Variants in GPC6 observed in about 807,000 individuals in gnomAD.
GPC6 encodes glypican 6.
A neutral mutation model predicts 55.2 loss-of-function variants in GPC6; 14 were observed. The ratio of observed to expected loss-of-function variants is 0.25; its 90% confidence interval spans 0.17 to 0.40. The LOEUF (loss-of-function observed/expected upper bound fraction) is 0.40. Ranked by LOEUF, GPC6 falls within the 10% of genes least tolerant of loss-of-function variation. The pLI, the probability that GPC6 is intolerant of heterozygous loss-of-function variation, is 1.00. For missense variants in GPC6, 641 were observed against 708.5 expected (o/e 0.90, Z 1.08); for synonymous variants, 278 against 259.6 (o/e 1.07, Z -0.68).
chr13:93,368,362 T>TTCCTTCCTTCCG (rs1881333122), intron 1 of GPC6, among the ~76,000 whole-genome samples: 1 of 115,178 alleles, frequency 8.7e-6, no homozygotes, highest in Non-Finnish European at 2.0e-5. Context: ...CCTTCCTTCC[T>TTCCTTCCTTCCG]TCCTTCCTTC....
chr13:94,058,250 A>C (rs1884198636), intron 4 of GPC6, among the ~76,000 whole-genome samples: 1 of 152,158 alleles, frequency 6.6e-6, no homozygotes, highest in Non-Finnish European at 1.5e-5. Context: ...TGGGACATAC[A>C]TATTTACGGT....
At chr13:94,144,277 A>T (rs1268981754) in intron 4 of GPC6, among the ~76,000 whole-genome samples, 1 of 151,984 alleles carries the variant, frequency 6.6e-6, no homozygotes, top group Non-Finnish European at 1.5e-5. Flanking sequence ...GTGAACAGTC[A>T]TTATCTTTTT....
At chr13:94,043,650 T>G (rs1023239284) in intron 4 of GPC6, among the ~76,000 whole-genome samples, 4 of 151,856 alleles carry the variant, frequency 2.6e-5, no homozygotes, top group Non-Finnish European at 5.9e-5. Context: ...AGCCTTCTCT[T>G]TCCTTATTTG....
intron 2 of GPC6, among the ~76,000 whole-genome samples, chr13:93,614,624 T>C (rs1212248720): frequency 6.6e-6 from 1 of 152,188 alleles, no homozygotes; most frequent in Non-Finnish European, 1.5e-5. Context: ...AGTCCCCAAA[T>C]AGTAACTAAA....
At chr13:94,380,956 C>T (rs546620569) in intron 6 of GPC6, among the ~76,000 whole-genome samples, 11 of 152,210 alleles carry the variant, frequency 7.2e-5, no homozygotes, top group Admixed American at 2.6e-4. Context: ...CCCTGAGTTT[C>T]GGTTTGTCTG....
intron 4 of GPC6, among the ~76,000 whole-genome samples, chr13:94,183,592 G>T (rs1291223203): frequency 6.6e-6 from 1 of 152,120 alleles, no homozygotes; most frequent in Non-Finnish European, 1.5e-5. Flanking sequence ...GAGTGAAATT[G>T]CTGGGTCATA....
intron 1 of GPC6, among the ~76,000 whole-genome samples, chr13:93,288,269 G>A (rs1188689416): frequency 2.6e-5 from 4 of 152,098 alleles, no homozygotes; most frequent in Admixed American, 1.3e-4. Flanking sequence ...GTGTTATCTT[G>A]TAATTTCAAG....
chr13:94,166,445 T>A (rs1163011525), intron 4 of GPC6, among the ~76,000 whole-genome samples: 1 of 152,218 alleles, frequency 6.6e-6, no homozygotes, highest in Non-Finnish European at 1.5e-5. Context: ...AACCTGAGCC[T>A]GAATTCCACT....
chr13:94,058,721 AG>A (rs1884218699), intron 4 of GPC6, among the ~76,000 whole-genome samples: 1 of 152,200 alleles, frequency 6.6e-6, no homozygotes, highest in African/African-American at 2.4e-5. Flanking sequence ...AACTGGTGAA[AG>A]CAGACTAGCT....
At chr13:93,902,921 A>T (rs1213413882) in intron 3 of GPC6, among the ~76,000 whole-genome samples, 30 of 152,180 alleles carry the variant, frequency 2.0e-4, no homozygotes, top group Non-Finnish European at 2.9e-5. Flanking sequence ...CGCAGACATA[A>T]ATCCATGCAC....
At chr13:93,782,512 G>A (rs776237104) in intron 2 of GPC6, among the ~76,000 whole-genome samples, 9 of 152,152 alleles carry the variant, frequency 5.9e-5, no homozygotes, top group African/African-American at 2.2e-4. Flanking sequence ...CCTCTATTCT[G>A]TTTTCCATAA....
chr13:93,577,783 T>A (rs2139483956), intron 2 of GPC6, among the ~76,000 whole-genome samples: 1 of 152,224 alleles, frequency 6.6e-6, no homozygotes, highest in South Asian at 2.1e-4. Context: ...ATCCTTGTCT[T>A]GTTCCAGAAC....
At chr13:94,248,484 TA>T (rs1891260216) in intron 4 of GPC6, among the ~76,000 whole-genome samples, 1 of 152,092 alleles carries the variant, frequency 6.6e-6, no homozygotes. Context: ...GGCCAATGAA[TA>T]AAAACCTCAA....
intron 1 of GPC6, among the ~76,000 whole-genome samples, chr13:93,544,820 G>C (rs1408563412): frequency 6.6e-6 from 1 of 152,168 alleles, no homozygotes; most frequent in Admixed American, 6.6e-5. Flanking sequence ...CCCAGGGACA[G>C]ACTTGCAGAA....
At chr13:93,669,922 GTATT>G (rs1241765656) in intron 2 of GPC6, among the ~76,000 whole-genome samples, 15 of 152,244 alleles carry the variant, frequency 9.9e-5, no homozygotes, top group African/African-American at 3.6e-4. Context: ...CTACTTAAAA[GTATT>G]TAGCAACATA....
At chr13:93,604,666 C>T (rs571868017) in intron 2 of GPC6, among the ~76,000 whole-genome samples, 1 of 152,020 alleles carries the variant, frequency 6.6e-6, no homozygotes, top group Non-Finnish European at 1.5e-5. Flanking sequence ...TAGAAGTACG[C>T]TCTCTGCACG....
At chr13:94,327,664 G>C (rs1287426290) in intron 6 of GPC6, among the ~76,000 whole-genome samples, 1 of 151,808 alleles carries the variant, frequency 6.6e-6, no homozygotes, top group Non-Finnish European at 1.5e-5. Flanking sequence ...TGGTCACATT[G>C]ACTAAAAATA....
At chr13:93,286,475 G>A (rs1878130617) in intron 1 of GPC6, among the ~76,000 whole-genome samples, 1 of 152,168 alleles carries the variant, frequency 6.6e-6, no homozygotes, top group Non-Finnish European at 1.5e-5. Context: ...GAGCTGGAGG[G>A]CCTGGTATTC....
chr13:93,478,730 C>T (rs887255138), intron 1 of GPC6, among the ~76,000 whole-genome samples: 4 of 152,134 alleles, frequency 2.6e-5, no homozygotes, highest in African/African-American at 9.7e-5. Context: ...AATCATGTTA[C>T]AGGTCAGTCA....
Sources: gnomAD v4.1 joint callset for allele counts (sites outside exome capture counted in the v4.1 genomes callset) on GRCh38, gnomAD v4.1.1 for gene constraint, MANE v1.5 for transcripts, NCBI Gene and HGNC (gene_info 2026-07-23, HGNC 2026-07-21) for gene names.